Variants in DEPDC5 observed in about 807,000 individuals in gnomAD.
The protein encoded by DEPDC5 is DEP domain containing 5, GATOR1 subcomplex subunit.
Under a neutral mutation model 217.3 loss-of-function variants are expected in DEPDC5, and 73 were observed. The ratio of observed to expected loss-of-function variants is 0.34; its 90% confidence interval spans 0.28 to 0.41. The LOEUF is 0.41. DEPDC5 is among the 10% of genes least tolerant of loss of function. The pLI, the probability that DEPDC5 is intolerant of heterozygous loss-of-function variation, is 1.00. For missense variants in DEPDC5, 1,675 were observed against 2,070.1 expected (o/e 0.81, Z 3.70); for synonymous variants, 733 against 756.7 (o/e 0.97, Z 0.51).
chr22:31,803,494 G>A (rs552021099), intron 15 of DEPDC5, among the ~76,000 whole-genome samples: 9 of 152,034 alleles, frequency 5.9e-5, no homozygotes, highest in Non-Finnish European at 1.2e-4. Context: ...TTGCAGGCAT[G>A]AGCCACCACA....
intron 12 of DEPDC5, among the ~76,000 whole-genome samples, chr22:31,795,009 T>C (rs952238728): frequency 2.0e-5 from 3 of 151,854 alleles, no homozygotes; most frequent in African/African-American, 7.3e-5. Flanking sequence ...ACCCCTATTA[T>C]CTGTATTTAG....
In DEPDC5 at chr22:31,784,858, C is replaced by T; in HGVS notation, c.607C>T (p.Leu203=). Residue 203 remains leucine (L), a synonymous_variant, in exon 10 of 43, where the codon CTA becomes TTA. Transcript: ENST00000651528. The part of the protein sequence containing the change: ...EKAVNGFLAD[L]FTKWKEKNCS... ...AGCTGTGAATGGTTTCCTTGCTGATCTATTTACCAAGTGGAAGGTACATTT... is the reference window on the plus strand; with the variant it reads ...AGCTGTGAATGGTTTCCTTGCTGATTTATTTACCAAGTGGAAGGTACATTT... The T allele has an allele frequency of 6.2e-7, 1 of 1,612,992 alleles. No homozygotes were observed.
intron 14 of DEPDC5, among the ~76,000 whole-genome samples, chr22:31,801,256 A>G (rs2086842835): frequency 6.6e-6 from 1 of 152,172 alleles, no homozygotes; most frequent in South Asian, 2.1e-4. Context: ...AGATTGTGCC[A>G]CTGCATTCCA....
At chr22:31,836,317 C>T (rs1380174375) in intron 25 of DEPDC5, among the ~76,000 whole-genome samples, 1 of 152,246 alleles carries the variant, frequency 6.6e-6, no homozygotes, top group African/African-American at 2.4e-5. Context: ...GGCTGAGAAA[C>T]TCTGCTTTAA....
chr22:31,845,521 G>A (rs1287526766), intron 30 of DEPDC5, among the ~76,000 whole-genome samples: 4 of 152,208 alleles, frequency 2.6e-5, no homozygotes, highest in African/African-American at 4.8e-5. Flanking sequence ...GTTGAGCACA[G>A]CTGCTTGTGT....
chr22:31,817,446 A>G (rs974960792), intron 21 of DEPDC5: 2 of 476,988 alleles, frequency 4.2e-6, no homozygotes, highest in Admixed American at 2.2e-5. Context: ...GGCTTTTTAT[A>G]TATGCATACC....
intron 25 of DEPDC5, 24 bp from the exon 26 acceptor site, chr22:31,836,947 CT>C (rs776132601): frequency 1.2e-6 from 2 of 1,608,320 alleles, no homozygotes; most frequent in South Asian, 1.1e-5. Flanking sequence ...CCACATGTAC[CT>C]TTTCCCCCTG....
At chr22:31,799,624 C>A (rs893916302) in intron 14 of DEPDC5, among the ~76,000 whole-genome samples, 4 of 150,574 alleles carry the variant, frequency 2.7e-5, no homozygotes, top group Admixed American at 1.3e-4. Flanking sequence ...CCCTCAGCCT[C>A]CTGAGCAGCT....
At chr22:31,771,623 G>A (rs775542191) in intron 7 of DEPDC5, among the ~76,000 whole-genome samples, 3 of 151,822 alleles carry the variant, frequency 2.0e-5, no homozygotes, top group African/African-American at 4.8e-5. Flanking sequence ...GGGAGGCTGA[G>A]GCAGGAGAAT....
chr22:31,843,275 G>T (rs1348011721), intron 28 of DEPDC5, 63 bp downstream of exon 28: 3 of 1,481,208 alleles, frequency 2.0e-6, no homozygotes, highest in Non-Finnish European at 2.8e-6. Context: ...ATACTAAATT[G>T]TGTGTATAGT....
In DEPDC5 at chr22:31,792,792, G is replaced by T. The variant is rs763609844; in HGVS notation, c.742G>T (p.Gly248Trp). 6.5e-7 allele frequency: 1 copy of T among 1,543,980 alleles called. No homozygotes were observed. The highest frequency in any genetic ancestry group is 1.4e-5 in the African/African-American group (1 of 69,802). Residue 248 changes from glycine (G) to tryptophan (W), a missense_variant, in exon 12 of 43, where the codon GGG becomes TGG. By Grantham distance (184) the Gly-to-Trp change is radical. Coordinates refer to ENST00000651528, the MANE Select transcript of DEPDC5 (RefSeq NM_001242896.3). ...NRASIRQDHK[G>W]RFYEDFYKVV... ...AGCCTCAATTCGACAGGATCACAAG[G>T]GGAGATTCTATGAAGACTTTTACAA...
At chr22:31,786,089 TCTA>T (rs1163318915) in intron 10 of DEPDC5, among the ~76,000 whole-genome samples, 1 of 151,896 alleles carries the variant, frequency 6.6e-6, no homozygotes, top group Non-Finnish European at 1.5e-5. Context: ...AAACCCTGTC[TCTA>T]CTAAAAATAC....
chr22:31,834,655 T>C (rs902386259), intron 25 of DEPDC5, among the ~76,000 whole-genome samples: 1 of 152,030 alleles, frequency 6.6e-6, no homozygotes, highest in African/African-American at 2.4e-5. Context: ...TAGCTGGGAT[T>C]ATAGGCGCGC....
chr22:31,760,608 G>A, intron 3 of DEPDC5, 48 bp from the exon 4 acceptor site: 1 of 1,559,678 alleles, frequency 6.4e-7, no homozygotes, highest in Non-Finnish European at 8.8e-7. Context: ...GGTTGCTAGG[G>A]AGTTACTGTT....
At chr22:31,865,547 C>T (rs1004861851) in intron 33 of DEPDC5, among the ~76,000 whole-genome samples, 15 of 151,830 alleles carry the variant, frequency 9.9e-5, no homozygotes, top group African/African-American at 2.4e-4. Context: ...CCATTTGGAG[C>T]GAGGGGTTAG....
rs541260604 is a variant in DEPDC5 at position 31,794,595 on chromosome 22, A to G, written c.767+1778A>G. Among the ~76,000 whole-genome samples the G allele has an allele frequency of 5.3e-5, 8 of 152,250 alleles. No individual in the cohort carries two copies. In the East Asian group the frequency reaches 1.4e-3, roughly 26 times the overall value. ...AATACAGGTTCATTTTAGGAAAATC[A>G]CAAAATAGGCCAGGCGTGGTGGCTG... On this transcript the variant is annotated intron_variant, in intron 12 of 42. Transcript: ENST00000651528.
At chr22:31,790,953 G>A (rs996544120) in intron 10 of DEPDC5, among the ~76,000 whole-genome samples, 1 of 151,788 alleles carries the variant, frequency 6.6e-6, no homozygotes, top group African/African-American at 2.4e-5. Flanking sequence ...CGCCATGTTG[G>A]CCAGGCTGGT....
In DEPDC5 at chr22:31,857,148, G is replaced by A. The variant is rs16989564; in HGVS notation, c.3156-297G>A. Among the ~76,000 whole-genome samples, 2,084 of 152,222 alleles carry A rather than the reference G, an allele frequency of 0.014. 229 individuals carry two copies. In the East Asian group the frequency reaches 0.28, roughly 21 times the overall value. ...TACTTTTACAAGAATTTTAAAAATG[G>A]TGTTCACAGACAGTCACTCAAACCA... On this transcript the variant is annotated intron_variant, in intron 31 of 42. Coordinates refer to ENST00000651528, the MANE Select transcript of DEPDC5 (RefSeq NM_001242896.3).
chr22:31,865,260 G>A (rs769641943), intron 33 of DEPDC5, among the ~76,000 whole-genome samples: 1 of 152,214 alleles, frequency 6.6e-6, no homozygotes, highest in Non-Finnish European at 1.5e-5. Flanking sequence ...AGAGGTGGAG[G>A]CAGGAAGATC....
Sources: allele counts gnomAD v4.1 joint callset (sites outside exome capture counted in the v4.1 genomes callset), GRCh38; gene constraint gnomAD v4.1.1; transcripts MANE v1.5; gene names NCBI Gene and HGNC (gene_info 2026-07-23, HGNC 2026-07-21).